The following IL34 variants were observed in gnomAD, a reference collection of about 807,000 sequenced individuals.
IL34 encodes the protein interleukin-34.
In IL34, 17 loss-of-function variants were observed where a neutral mutation model predicts 25.3. The ratio of observed to expected loss-of-function variants is 0.67; its 90% confidence interval spans 0.46 to 1.01. IL34 has a LOEUF of 1.01. Among genes scored for constraint, IL34 ranks in the 50% least tolerant of loss-of-function variants. IL34 has a pLI of 0.00. For synonymous variants in IL34, 174 were observed against 140.9 expected, an observed-to-expected ratio of 1.23 and a Z score of -1.66; for missense variants, 368 against 312.9, an observed-to-expected ratio of 1.18 and a Z score of -1.33.
chr16:70,616,865 G>A (rs1055182457), intron 1 of IL34, among the ~76,000 whole-genome samples: 1 of 152,144 alleles, frequency 6.6e-6, no homozygotes, highest in Non-Finnish European at 1.5e-5. Context: ...GGATGTATAC[G>A]TGCAAGTCAC....
chr16:70,660,087 C>A lies in IL34; in HGVS notation c.629C>A (p.Thr210Asn), dbSNP rs772052353. The A allele has an allele frequency of 6.2e-7, 1 of 1,613,706 alleles. No individual in the cohort carries two copies. The highest frequency in any genetic ancestry group is 1.7e-5 in the Admixed American group (1 of 59,986). ...SPEPSLQYAA[T>N]QLYPPPPWSP... ...GAGCCCTCATTGCAGTATGCGGCCA[C>A]CCAGCTGTACCCTCCGCCCCCGTGG... Residue 210 changes from threonine (T) to asparagine (N), a missense_variant, in exon 6 of 6, where the codon ACC becomes AAC. Physicochemically the swap from Thr to Asn is moderately conservative, Grantham distance 65. Coordinates refer to ENST00000288098, the MANE Select transcript of IL34 (RefSeq NM_001393494.1).
In IL34 at chr16:70,608,118, T is replaced by TC. The variant is rs2051036014; in HGVS notation, c.-401+28070dup. On this transcript the variant is annotated intron_variant, in intron 1 of 6. Transcript: ENST00000429149. The stretch of plus-strand genomic sequence containing the variant: ...CATGGTGAATTATGATGATTGATTT[T>TC]CTTTTTTCTTTTTTTTTTTTTTTTT... Among the ~76,000 whole-genome samples the TC allele has an allele frequency of 3.9e-5, 4 of 101,432 alleles. No homozygotes were observed. In the South Asian group the frequency reaches 1.7e-3, roughly 43 times the overall value. 66.5% of individuals were successfully genotyped at this position (101,432 alleles called of 152,430 possible). A position where few individuals can be genotyped will look rare whatever the true frequency, so the allele number is the denominator to read the frequency against.
At chr16:70,619,165 G>A (rs547497135) in intron 1 of IL34, among the ~76,000 whole-genome samples, 5 of 152,278 alleles carry the variant, frequency 3.3e-5, no homozygotes, top group African/African-American at 9.6e-5. Context: ...TGTAGCAGAC[G>A]AGTGATAACA....
intron 1 of IL34, among the ~76,000 whole-genome samples, chr16:70,586,141 T>A (rs74535611): frequency 0.03 from 4,587 of 152,320 alleles, 234 homozygotes; most frequent in African/African-American, 0.1. Flanking sequence ...CCTGGCCTCC[T>A]TGTTTTTAAG....
upstream of IL34, among the ~76,000 whole-genome samples, chr16:70,642,664 A>G (rs189269583): frequency 6.6e-6 from 1 of 152,162 alleles, no homozygotes; most frequent in African/African-American, 2.4e-5. Context: ...ATCCAAACCT[A>G]ATTATCTCCC....
intron 1 of IL34, among the ~76,000 whole-genome samples, chr16:70,615,878 AG>A (rs2051165113): frequency 6.6e-6 from 1 of 152,028 alleles, no homozygotes; most frequent in Non-Finnish European, 1.5e-5. Flanking sequence ...TCTTGAGCCC[AG>A]GCAGTGGAGG....
At chr16:70,647,620 T>C (rs2051972299) in intron 1 of IL34, among the ~76,000 whole-genome samples, 1 of 152,190 alleles carries the variant, frequency 6.6e-6, no homozygotes, top group South Asian at 2.1e-4. Flanking sequence ...AACACATTTT[T>C]CCGGTGCCTC....
At position 70,591,847 on chromosome 16, in the gene IL34, C is replaced by T. The variant is rs192196848; in HGVS notation, c.-401+11798C>T. 2.4e-3 allele frequency among the ~76,000 whole-genome samples: 369 copies of T among 152,330 alleles called. 1 individual carries two copies. Among genetic ancestry groups the T allele is most frequent in the Non-Finnish European group, 3.9e-3 (268 of 68,044 alleles). On this transcript the variant is annotated intron_variant, in intron 1 of 6. Transcript: ENST00000429149. ...GGCTTCTCCCTTCCCCCTGCTGTTG[C>T]CCTGAGGCTCGGTGCTGGGGCTGGG...
At chr16:70,593,829 A>G (rs1268229633) in intron 1 of IL34, among the ~76,000 whole-genome samples, 1 of 152,074 alleles carries the variant, frequency 6.6e-6, no homozygotes, top group Non-Finnish European at 1.5e-5. Context: ...ACCTGGCAAT[A>G]TCTAGATTTT....
At chr16:70,621,899 G>A (rs1175256188) in intron 1 of IL34, among the ~76,000 whole-genome samples, 1 of 151,902 alleles carries the variant, frequency 6.6e-6, no homozygotes, top group Non-Finnish European at 1.5e-5. Context: ...TTAAGGCAAG[G>A]ACCGGCCATT....
intron 1 of IL34, among the ~76,000 whole-genome samples, chr16:70,609,876 C>T (rs1168502257): frequency 6.6e-6 from 1 of 152,148 alleles, no homozygotes; most frequent in Non-Finnish European, 1.5e-5. Flanking sequence ...ACCCAGATGC[C>T]TCTGGATGTT....
At position 70,621,172 on chromosome 16, in the gene IL34, C is replaced by T. The variant is rs184460175; in HGVS notation, c.-400-25376C>T. 2.6e-4 allele frequency among the ~76,000 whole-genome samples: 40 copies of T among 152,178 alleles called. No individual in the cohort carries two copies. The East Asian group carries it at 5.4e-3, about 21-fold the overall frequency. On this transcript the variant is annotated intron_variant, in intron 1 of 6. Coordinates refer to the IL34 transcript ENST00000429149. ...CCTGCCCCAGGAAAGCAGGACTTGC[C>T]GCTAAGGTTGAAGGACCAAGGCAGG... is the stretch of plus-strand genomic sequence containing the variant.
chr16:70,618,827 T>C (rs974458686), intron 1 of IL34, among the ~76,000 whole-genome samples: 1 of 152,074 alleles, frequency 6.6e-6, no homozygotes, highest in Non-Finnish European at 1.5e-5. Context: ...ATGGGGGCTG[T>C]CTGTGAAGCT....
At chr16:70,649,437 G>A (rs571878453) in intron 1 of IL34, among the ~76,000 whole-genome samples, 2 of 152,286 alleles carry the variant, frequency 1.3e-5, no homozygotes, top group East Asian at 3.9e-4. Flanking sequence ...AAACTGACAT[G>A]GCACACTGCT....
chr16:70,620,696 T>A (rs1215821369), intron 1 of IL34, among the ~76,000 whole-genome samples: 1 of 150,284 alleles, frequency 6.7e-6, no homozygotes, highest in Non-Finnish European at 1.5e-5. Flanking sequence ...ACCTCAGACC[T>A]TCTGCGTATT....
chr16:70,624,727 C>G (rs914070237), intron 1 of IL34, among the ~76,000 whole-genome samples: 10 of 151,700 alleles, frequency 6.6e-5, no homozygotes, highest in South Asian at 2.1e-4. Context: ...AGTCACTGAA[C>G]GAAACTATAA....
intron 1 of IL34, among the ~76,000 whole-genome samples, chr16:70,617,497 C>T (rs1320086815): frequency 6.6e-6 from 1 of 152,038 alleles, no homozygotes; most frequent in Non-Finnish European, 1.5e-5. Context: ...TTTTGGGGCA[C>T]AGTCTAAGTT....
Position 70,660,391 on chromosome 16 carries a change from C to G in IL34, c.*204C>G, listed in dbSNP as rs7206831. 9.8e-6 allele frequency: 5 copies of G among 510,962 alleles called. No individual in the cohort carries two copies. Among genetic ancestry groups the G allele is most frequent in the African/African-American group, 9.8e-5 (5 of 51,120 alleles). The allele number at this position is 510,962 out of a possible 1,614,324, so 31.7% of individuals were successfully genotyped here. ...ATAGCTGTCATGGCCTCACCTGGAG[C>G]GGAGGGGACCTGGGGACCTGAAGGT... is the stretch of plus-strand genomic sequence containing the variant. On this transcript the variant is annotated 3_prime_UTR_variant, in exon 6 of 6. Coordinates refer to ENST00000288098, the MANE Select transcript of IL34 (RefSeq NM_001393494.1).
intron 1 of IL34, among the ~76,000 whole-genome samples, chr16:70,625,706 G>A (rs2051378236): frequency 1.3e-5 from 2 of 152,102 alleles, no homozygotes; most frequent in African/African-American, 2.4e-5. Context: ...TGGAGTTTTG[G>A]GTCCACCGAT....
Sources: gnomAD v4.1 joint callset for allele counts (sites outside exome capture counted in the v4.1 genomes callset) on GRCh38, gnomAD v4.1.1 for gene constraint, MANE v1.5 for transcripts, NCBI Gene and HGNC (gene_info 2026-07-23, HGNC 2026-07-21) for gene names.